Variants in PSPC1 observed in about 807,000 individuals in gnomAD.
PSPC1 encodes paraspeckle protein 1.
In PSPC1, 14 loss-of-function variants were observed where a neutral mutation model predicts 51.6. That is an observed-to-expected ratio of 0.27 (90% CI 0.18 to 0.42). The LOEUF (loss-of-function observed/expected upper bound fraction) is 0.42. Ranked by LOEUF, PSPC1 falls within the 10% of genes least tolerant of loss-of-function variation. The pLI, the probability that PSPC1 is intolerant of heterozygous loss-of-function variation, is 1.00. For synonymous variants in PSPC1, 193 were observed against 231.9 expected (o/e 0.83, Z 1.53); for missense variants, 406 against 701.1 (o/e 0.58, Z 4.75).
intron 1 of PSPC1, among the ~76,000 whole-genome samples, chr13:19,775,403 A>G (rs1335575472): frequency 6.6e-6 from 1 of 152,152 alleles, no homozygotes; most frequent in Non-Finnish European, 1.5e-5. Context: ...ACAGCATAAC[A>G]GCTATTCATA....
rs1010024408 is a variant in PSPC1 at position 19,677,959 on chromosome 13, A to G, written c.1159-136T>C. The stretch of plus-strand genomic sequence containing the variant: ...CGATACCATGTAGTGCTGCGTGCTG[A>G]TTATTTCCATTCAGTAAGGATTTTC... On this transcript the variant is annotated intron_variant and NMD_transcript_variant, in intron 6 of 7. Coordinates refer to the PSPC1 transcript ENST00000471658. 3.4e-5 allele frequency: 12 copies of G among 351,966 alleles called. No homozygotes were observed. In the Admixed American group the frequency reaches 4.6e-4, roughly 14 times the overall value. 21.8% of individuals were successfully genotyped at this position (351,966 alleles called of 1,614,324 possible). A position where few individuals can be genotyped will look rare whatever the true frequency, so the allele number is the denominator to read the frequency against.
chr13:19,772,135 C>T (rs1888680366), intron 2 of PSPC1, 107 bp downstream of exon 2: 3 of 1,212,702 alleles, frequency 2.5e-6, no homozygotes, highest in Non-Finnish European at 3.5e-6. Context: ...TTACTCAACA[C>T]CTACTTACCA....
chr13:19,741,749 T>C, intron 4 of PSPC1, 100 bp from the exon 5 acceptor site: 1 of 642,790 alleles, frequency 1.6e-6, no homozygotes, highest in South Asian at 2.4e-5. Context: ...TATATTGGTA[T>C]ATTACTCATT....
chr13:19,744,829 C>G (rs916081619), intron 4 of PSPC1, among the ~76,000 whole-genome samples: 6 of 152,162 alleles, frequency 3.9e-5, no homozygotes, highest in South Asian at 2.1e-4. Context: ...TTCCAAAGTG[C>G]TGGGATTAAA....
At chr13:19,718,229 T>C (rs896285595) in intron 6 of PSPC1, among the ~76,000 whole-genome samples, 3 of 152,056 alleles carry the variant, frequency 2.0e-5, no homozygotes, top group African/African-American at 7.2e-5. Context: ...TAGTGAGGGG[T>C]AGTTTAAAAA....
intron 4 of PSPC1, among the ~76,000 whole-genome samples, chr13:19,742,260 C>CAAAAAAAAAAAA (rs36104148): frequency 8.4e-6 from 1 of 119,170 alleles, no homozygotes; most frequent in Non-Finnish European, 1.6e-5. Context: ...GACTCAATCT[C>CAAAAAAAAAAAA]AAAAAAAAAA....
At chr13:19,728,176 C>T (rs1479325370) in intron 6 of PSPC1, among the ~76,000 whole-genome samples, 1 of 151,636 alleles carries the variant, frequency 6.6e-6, no homozygotes, top group Non-Finnish European at 1.5e-5. Flanking sequence ...TTCACTCTTT[C>T]TTTGTTACAT....
intron 1 of PSPC1, among the ~76,000 whole-genome samples, chr13:19,778,370 TCCCCC>T (rs1889430605): frequency 7.6e-5 from 2 of 26,380 alleles, no homozygotes; most frequent in Non-Finnish European, 1.3e-4. Flanking sequence ...CCTCTCCCCC[TCCCCC>T]TCCCCCTCCC....
chr13:19,772,145 A>G, intron 2 of PSPC1, 97 bp downstream of exon 2: 1 of 1,302,034 alleles, frequency 7.7e-7, no homozygotes, highest in Non-Finnish European at 1.1e-6. Context: ...CCTACTTACC[A>G]TATGCTAGTA....
At chr13:19,746,211 G>T (rs971243788) in intron 4 of PSPC1, among the ~76,000 whole-genome samples, 1 of 151,642 alleles carries the variant, frequency 6.6e-6, no homozygotes, top group Non-Finnish European at 1.5e-5. Flanking sequence ...AGATCAGCCT[G>T]ACCAACATGG....
In PSPC1 at chr13:19,751,303, C is replaced by T. The variant is rs1886530286; in HGVS notation, c.935G>A (p.Arg312Lys). ...CATTAGCATTAATTGGTGTTCATGC[C>T]TAGCTGCTTCCATTTCTGCCTCCAG... ...EKLEAEMEAA[R>K]HEHQLMLMRQ... Residue 312 changes from arginine to lysine, a missense_variant, in exon 4 of 9, where the codon AGG becomes AAG. Around this residue, in one of 5 missense-constraint regions of PSPC1, gnomAD observed 180 missense variants for 337.9 expected, o/e 0.53. Coordinates refer to ENST00000338910, the MANE Select transcript of PSPC1 (RefSeq NM_001354909.2). 1 of 1,565,134 alleles carries T rather than the reference C, an allele frequency of 6.4e-7. No individual in the cohort carries two copies. The highest frequency in any genetic ancestry group is 8.6e-7 in the Non-Finnish European group (1 of 1,162,956).
At chr13:19,707,486 A>G (rs897672081) in intron 7 of PSPC1, among the ~76,000 whole-genome samples, 2 of 152,224 alleles carry the variant, frequency 1.3e-5, no homozygotes, top group Non-Finnish European at 2.9e-5. Flanking sequence ...GAGTTATGAC[A>G]GTTTTAACTT....
At chr13:19,692,503 T>C (rs1271979308) in intron 6 of PSPC1, among the ~76,000 whole-genome samples, 1 of 152,218 alleles carries the variant, frequency 6.6e-6, no homozygotes, top group Admixed American at 6.5e-5. Context: ...TGTATCATAG[T>C]CATCTTTGGT....
At chr13:19,715,692 A>AAGACAAGCCTGTGT (rs1882001545) in intron 6 of PSPC1, among the ~76,000 whole-genome samples, 1 of 152,122 alleles carries the variant, frequency 6.6e-6, no homozygotes, top group Non-Finnish European at 1.5e-5. Context: ...CCAGGAATTC[A>AAGACAAGCCTGTGT]AGACAAGCCT....
At chr13:19,730,967 A>AAAAAAAAAAAAAAAAAC (rs1566002419) in intron 5 of PSPC1, among the ~76,000 whole-genome samples, 4 of 140,454 alleles carry the variant, frequency 2.8e-5, no homozygotes, top group Non-Finnish European at 4.7e-5. Flanking sequence ...CAAAAAAACA[A>AAAAAAAAAAAAAAAAAC]AAAAAAAAAA....
chr13:19,747,023 G>A (rs1384106664), intron 4 of PSPC1, among the ~76,000 whole-genome samples: 3 of 151,954 alleles, frequency 2.0e-5, no homozygotes, highest in African/African-American at 7.3e-5. Flanking sequence ...CAGGAGACTC[G>A]CTTGAACCCA....
chr13:19,689,900 A>C (rs1394237689), intron 6 of PSPC1, among the ~76,000 whole-genome samples: 1 of 152,220 alleles, frequency 6.6e-6, no homozygotes, highest in Non-Finnish European at 1.5e-5. Flanking sequence ...AACCCATCCA[A>C]CTGAACAGTA....
At chr13:19,715,299 CAGGA>C (rs1565986410) in intron 6 of PSPC1, among the ~76,000 whole-genome samples, 1 of 152,102 alleles carries the variant, frequency 6.6e-6, no homozygotes, top group African/African-American at 2.4e-5. Flanking sequence ...AAATATAGAA[CAGGA>C]AGCTTGCACT....
chr13:19,719,855 G>A (rs1377081174), intron 6 of PSPC1, among the ~76,000 whole-genome samples: 2 of 152,078 alleles, frequency 1.3e-5, no homozygotes, highest in African/African-American at 4.8e-5. Flanking sequence ...CTATTTGGCT[G>A]AGATTTTAAG....
Sources: allele counts gnomAD v4.1 joint callset (sites outside exome capture counted in the v4.1 genomes callset), GRCh38; gene constraint gnomAD v4.1.1; regional missense constraint gnomAD v4.1.1; transcripts MANE v1.5; gene names NCBI Gene and HGNC (gene_info 2026-07-23, HGNC 2026-07-21).